DPYS: variants seen among roughly 807,000 people sequenced by gnomAD.
The protein encoded by DPYS is dihydropyrimidinase.
A neutral mutation model predicts 50.3 loss-of-function variants in DPYS; 39 were observed. The observed-to-expected ratio is 0.78, with a 90% confidence interval of 0.60 to 1.01. DPYS has a LOEUF of 1.01. Ranked by LOEUF, DPYS falls within the 50% of genes least tolerant of loss-of-function variation. The pLI is 0.00. For synonymous variants in DPYS, 245 were observed against 250.7 expected (o/e 0.98, Z 0.22); for missense variants, 659 against 680.9 (o/e 0.97, Z 0.36).
At chr8:104,396,721 A>G (rs1564082624) in intron 7 of DPYS, among the ~76,000 whole-genome samples, 1 of 152,004 alleles carries the variant, frequency 6.6e-6, no homozygotes, top group Non-Finnish European at 1.5e-5. Context: ...GGCAGATTCC[A>G]GGTATCTTCA....
intron 7 of DPYS, 117 bp downstream of exon 7, chr8:104,424,130 C>T (rs1812641189): frequency 1.3e-6 from 2 of 1,586,512 alleles, no homozygotes. Context: ...AATACCTGAG[C>T]ACAGCTAAAG....
intron 1 of DPYS, among the ~76,000 whole-genome samples, chr8:104,458,211 C>T (rs1274743783): frequency 6.6e-6 from 1 of 152,158 alleles, no homozygotes; most frequent in South Asian, 2.1e-4. Context: ...TCTGCCACTT[C>T]CAATCTTTTA....
chr8:104,413,741 G>A (rs1034446069), intron 7 of DPYS, among the ~76,000 whole-genome samples: 2 of 152,156 alleles, frequency 1.3e-5, no homozygotes, highest in African/African-American at 4.8e-5. Flanking sequence ...GTGTATTCAA[G>A]GAAAATGTTA....
chr8:104,393,014 A>T (rs983581727), intron 7 of DPYS, 23 bp from the exon 8 acceptor site: 9 of 1,608,942 alleles, frequency 5.6e-6, no homozygotes, highest in Non-Finnish European at 7.7e-6. Flanking sequence ...AAACAACAAA[A>T]AAGTTCTGGA....
intron 1 of DPYS, among the ~76,000 whole-genome samples, chr8:104,459,810 C>A (rs576391143): frequency 1.3e-5 from 2 of 152,298 alleles, no homozygotes; most frequent in Non-Finnish European, 2.9e-5. Flanking sequence ...TAGACACTGT[C>A]ACAAAACTGT....
chr8:104,451,159 G>C, intron 2 of DPYS, 87 bp downstream of exon 2: 1 of 1,554,554 alleles, frequency 6.4e-7, no homozygotes, highest in Non-Finnish European at 8.9e-7. Flanking sequence ...TGTTGTCTAG[G>C]AAGCAATCAA....
chr8:104,414,460 G>A (rs1453029313), intron 7 of DPYS, among the ~76,000 whole-genome samples: 15 of 151,988 alleles, frequency 9.9e-5, no homozygotes, highest in Admixed American at 9.8e-4. Context: ...TGATGTTGAT[G>A]TTGCTAGTCC....
chr8:104,430,539 A>G (rs906252002), intron 4 of DPYS, among the ~76,000 whole-genome samples: 2 of 152,174 alleles, frequency 1.3e-5, no homozygotes, highest in Non-Finnish European at 2.9e-5. Flanking sequence ...TGGCATACCA[A>G]ATTAGTTCAC....
Position 104,447,444 on chromosome 8 carries a change from A to G in DPYS, c.483T>C (p.Phe161=), listed in dbSNP as rs1189351591. The part of the protein sequence containing the change: ...QDKGVNSFKM[F]MAYKDLYMVT... ...CCATGTACAGATCTTTATAGGCCAT[A>G]AACATCTTGAAAGAGTTAACACCTT... Residue 161 remains phenylalanine, a synonymous_variant, in exon 3 of 10, where the codon TTT becomes TTC. Transcript: ENST00000351513. The G allele has an allele frequency of 1.1e-5, 17 of 1,614,162 alleles. No individual in the cohort carries two copies. The highest frequency in any genetic ancestry group is 1.3e-5 in the Non-Finnish European group (15 of 1,180,030).
chr8:104,462,244 T>C (rs567468487), intron 1 of DPYS, among the ~76,000 whole-genome samples: 1 of 152,192 alleles, frequency 6.6e-6, no homozygotes, highest in Non-Finnish European at 1.5e-5. Context: ...TTGCCTAAGG[T>C]CACAAAATCA....
chr8:104,401,610 G>A (rs1198879425), intron 7 of DPYS, among the ~76,000 whole-genome samples: 1 of 152,108 alleles, frequency 6.6e-6, no homozygotes, highest in Admixed American at 6.5e-5. Flanking sequence ...TTCTTGGTCT[G>A]TTTTCTGTTT....
intron 3 of DPYS, among the ~76,000 whole-genome samples, chr8:104,445,828 A>G (rs982188170): frequency 6.6e-6 from 1 of 152,048 alleles, no homozygotes; most frequent in Non-Finnish European, 1.5e-5. Context: ...GGCAGATCAC[A>G]AGGTCAGGAG....
At chr8:104,460,082 G>T (rs552274088) in intron 1 of DPYS, among the ~76,000 whole-genome samples, 1 of 152,042 alleles carries the variant, frequency 6.6e-6, no homozygotes, top group South Asian at 2.1e-4. Context: ...TCTCTCTTTT[G>T]TCAGTTTAAT....
intron 4 of DPYS, among the ~76,000 whole-genome samples, chr8:104,440,151 A>T (rs776973303): frequency 6.6e-6 from 1 of 152,234 alleles, no homozygotes; most frequent in East Asian, 1.9e-4. Context: ...TGCCAGGCAC[A>T]TATTAAGCAC....
chr8:104,452,095 G>C (rs760242031), intron 1 of DPYS, among the ~76,000 whole-genome samples: 4 of 152,164 alleles, frequency 2.6e-5, no homozygotes, highest in Non-Finnish European at 5.9e-5. Context: ...AAAACTGAGT[G>C]CTTCTCCCTG....
intron 8 of DPYS, among the ~76,000 whole-genome samples, chr8:104,386,516 G>C (rs192669611): frequency 6.7e-6 from 1 of 148,948 alleles, no homozygotes; most frequent in East Asian, 2.0e-4. Flanking sequence ...CTGGGCAACT[G>C]AGTGAGACTC....
chr8:104,406,556 G>A (rs1054553865), intron 7 of DPYS, among the ~76,000 whole-genome samples: 2 of 152,182 alleles, frequency 1.3e-5, no homozygotes, highest in African/African-American at 4.8e-5. Context: ...CCAGGGCAAA[G>A]GCAAACAAGA....
intron 1 of DPYS, among the ~76,000 whole-genome samples, chr8:104,456,677 G>T (rs907382136): frequency 1.3e-5 from 2 of 152,290 alleles, no homozygotes; most frequent in South Asian, 2.1e-4. Flanking sequence ...ATTCCTGATT[G>T]ACTTATTTCC....
chr8:104,398,754 T>C (rs1044323460), intron 7 of DPYS, among the ~76,000 whole-genome samples: 18 of 152,140 alleles, frequency 1.2e-4, no homozygotes, highest in Non-Finnish European at 2.2e-4. Flanking sequence ...TCTAGGGCCA[T>C]TGTCATATAG....
Sources: gnomAD v4.1 joint callset for allele counts (sites outside exome capture counted in the v4.1 genomes callset) on GRCh38, gnomAD v4.1.1 for gene constraint, MANE v1.5 for transcripts, NCBI Gene and HGNC (gene_info 2026-07-23, HGNC 2026-07-21) for gene names.